The following PPP6C variants were observed in gnomAD, a reference collection of about 807,000 sequenced individuals.
PPP6C encodes the protein serine/threonine-protein phosphatase 6 catalytic subunit.
A neutral mutation model predicts 39.8 loss-of-function variants in PPP6C; 11 were observed. The ratio of observed to expected loss-of-function variants is 0.28; its 90% CI spans 0.17 to 0.46. The LOEUF is 0.46. Ranked by LOEUF, PPP6C falls within the 20% of genes least tolerant of loss-of-function variation. The pLI is 1.00. For missense variants in PPP6C, 211 were observed against 373.9 expected (o/e 0.56, Z 3.59); for synonymous variants, 129 against 130.3 (o/e 0.99, Z 0.07).
intron 1 of PPP6C, among the ~76,000 whole-genome samples, chr9:125,173,272 G>C (rs142495398): frequency 2.0e-5 from 3 of 151,806 alleles, no homozygotes; most frequent in Non-Finnish European, 2.9e-5. Context: ...TTAGCTGGGC[G>C]TGGTGGCAGG....
rs1417437176 is a variant in PPP6C, at chr9:125,148,402, G to A, written c.*1271C>T. ...ATACTGGAATACTTGTCCTTATTAAGTGGACAGTTGCATATTCAGAACTGA... is the reference window on the plus strand; with the variant it reads ...ATACTGGAATACTTGTCCTTATTAAATGGACAGTTGCATATTCAGAACTGA... On this transcript the variant is annotated 3_prime_UTR_variant, in exon 7 of 7. Transcript: ENST00000373547. 1.3e-5 allele frequency: 2 copies of A among 152,100 alleles called. No homozygotes were observed. The highest frequency in any genetic ancestry group is 3.8e-4 in the East Asian group (2 of 5,206). The allele number at this position is 152,100 out of a possible 1,614,324, so 9.4% of individuals were successfully genotyped here.
chr9:125,147,955 G>A lies in PPP6C; in HGVS notation c.*1718C>T. ...TTCCACCTGAATTACACTGGGATCA[G>A]GGCAGTAACACGAAGCTACTGACCC... On this transcript the variant is annotated 3_prime_UTR_variant, in exon 7 of 7. Coordinates refer to ENST00000373547, the MANE Select transcript of PPP6C (RefSeq NM_002721.5). 1 of 186,174 alleles carries A rather than the reference G, an allele frequency of 5.4e-6. No individual in the cohort carries two copies. Among genetic ancestry groups the A allele is most frequent in the East Asian group, 1.9e-4 (1 of 5,202 alleles). The allele number at this position is 186,174 out of a possible 1,614,324, so 11.5% of individuals were successfully genotyped here. A position where few individuals can be genotyped will look rare whatever the true frequency, so the allele number is the denominator to read the frequency against.
chr9:125,179,405 T>C (rs944042203), intron 1 of PPP6C, among the ~76,000 whole-genome samples: 1 of 152,096 alleles, frequency 6.6e-6, no homozygotes, highest in African/African-American at 2.4e-5. Flanking sequence ...TTGTTTTGAT[T>C]TGTTTAGGTT....
Position 125,151,512 on chromosome 9 carries a change from C to G in PPP6C, c.670-1591G>C, listed in dbSNP as rs1412858842. The G allele has an allele frequency of 5.0e-6, 4 of 797,456 alleles. No individual in the cohort carries two copies. The East Asian group carries it at 9.7e-5, about 19-fold the overall frequency. 49.4% of individuals were successfully genotyped at this position (797,456 alleles called of 1,614,324 possible). ...TCCAAAATACAGGTGATCAACATCT[C>G]TATGAGCCTTGCAGAAGCCATCAGG... On this transcript the variant is annotated intron_variant, in intron 6 of 6. Coordinates refer to ENST00000373547, the MANE Select transcript of PPP6C (RefSeq NM_002721.5).
At position 125,149,690 on chromosome 9, in the gene PPP6C, T is replaced by C. The variant is rs1835891588; in HGVS notation, c.901A>G (p.Thr301Ala). The C allele has an allele frequency of 6.2e-7, 1 of 1,614,046 alleles. No homozygotes were observed. The highest frequency in any genetic ancestry group is 2.2e-5 in the East Asian group (1 of 44,876). The part of the protein sequence containing the change: ...SERVIPPRTT[T>A]PYFL ...CGAAGGCCTCAAAGGAAATATGGCG[T>C]TGTCGTTCTGGGAGGAATAACACGT... The change falls in exon 7 of 7, where the codon ACG (threonine) becomes GCG (alanine). Residue 301 changes from threonine to alanine, a missense_variant. By Grantham distance (58) the Thr-to-Ala change is moderately conservative. Around this residue, in one of 2 missense-constraint regions of PPP6C, gnomAD observed 168 missense variants for 342.6 expected, o/e 0.49. Transcript: ENST00000373547.
intron 6 of PPP6C, 131 bp downstream of exon 6, chr9:125,153,402 A>C: frequency 2.4e-6 from 2 of 833,020 alleles, no homozygotes; most frequent in Non-Finnish European, 3.7e-6. Flanking sequence ...TAACTAAACT[A>C]GAAATTTAAT....
At chr9:125,160,969 TGA>T (rs1828858236) in intron 2 of PPP6C, 63 bp from the exon 3 acceptor site, 3 of 1,191,374 alleles carry the variant, frequency 2.5e-6, no homozygotes, top group South Asian at 2.9e-5. Context: ...GCAACAAAAC[TGA>T]GAGTGAAATG....
chr9:125,187,166 C>G (rs922824190), intron 1 of PPP6C, among the ~76,000 whole-genome samples: 2 of 151,632 alleles, frequency 1.3e-5, no homozygotes, highest in African/African-American at 2.4e-5. Flanking sequence ...AGGCTGGTCT[C>G]GAGCTCCTGA....
At position 125,147,570 on chromosome 9, in the gene PPP6C, A is replaced by C. The variant is rs1835840628; in HGVS notation, c.*2103T>G. Reference sequence around the variant, plus strand: ...GCCATTATTCAGTTGAAGAGAAATCAGGCAAAACAGAGATGGCAGATAAGG... The same window carrying C: ...GCCATTATTCAGTTGAAGAGAAATCCGGCAAAACAGAGATGGCAGATAAGG... On this transcript the variant is annotated 3_prime_UTR_variant, in exon 7 of 7. Transcript: ENST00000373547. 1 of 152,216 alleles carries C rather than the reference A, an allele frequency of 6.6e-6. No homozygotes were observed. Among genetic ancestry groups the C allele is most frequent in the South Asian group, 2.1e-4 (1 of 4,838 alleles). The allele number at this position is 152,216 out of a possible 1,614,324, so 9.4% of individuals were successfully genotyped here.
rs1457393408 is a variant in PPP6C at position 125,152,917 on chromosome 9, A to G, written c.669+616T>C. On this transcript the variant is annotated intron_variant, in intron 6 of 6. Transcript: ENST00000373547. ...TGTGTGATTTGAGGTCTTTGAGAAA[A>G]AAAAAAAAAAGTATTGCCTATCTTG... Among the ~76,000 whole-genome samples the G allele has an allele frequency of 2.6e-5, 4 of 152,092 alleles. No homozygotes were observed. The East Asian group carries it at 7.7e-4, about 29-fold the overall frequency.
intron 4 of PPP6C, among the ~76,000 whole-genome samples, chr9:125,157,343 G>A (rs141165856): frequency 6.6e-6 from 1 of 152,106 alleles, no homozygotes; most frequent in Non-Finnish European, 1.5e-5. Context: ...TCTCTGGAGT[G>A]AGCATACAGA....
intron 3 of PPP6C, among the ~76,000 whole-genome samples, chr9:125,159,301 G>A (rs10986591): frequency 0.013 from 1,904 of 150,554 alleles, 95 homozygotes; most frequent in Admixed American, 0.081. Flanking sequence ...CACCTGCCTC[G>A]GCCTCCCAAA....
intron 1 of PPP6C, among the ~76,000 whole-genome samples, chr9:125,174,620 CAAA>C: frequency 6.6e-6 from 1 of 151,870 alleles, no homozygotes; most frequent in South Asian, 2.1e-4. Context: ...AAAAAAATAA[CAAA>C]AACAGGCCAG....
chr9:125,175,873 T>C (rs1829286928), intron 1 of PPP6C, among the ~76,000 whole-genome samples: 5 of 152,144 alleles, frequency 3.3e-5, no homozygotes, highest in Admixed American at 2.6e-4. Flanking sequence ...CAAAACAGAC[T>C]AAAAGCTCTG....
At chr9:125,156,948 G>C (rs1307150524) in intron 4 of PPP6C, among the ~76,000 whole-genome samples, 2 of 151,808 alleles carry the variant, frequency 1.3e-5, no homozygotes, top group African/African-American at 4.8e-5. Flanking sequence ...TGAGTAGCTG[G>C]GATTACAGGC....
At chr9:125,170,269 C>T (rs1194377040) in intron 2 of PPP6C, among the ~76,000 whole-genome samples, 1 of 150,946 alleles carries the variant, frequency 6.6e-6, no homozygotes, top group African/African-American at 2.4e-5. Flanking sequence ...CAGAGTCTTG[C>T]TCTGTTGCCC....
At chr9:125,163,815 A>G (rs1193983310) in intron 2 of PPP6C, among the ~76,000 whole-genome samples, 4 of 151,582 alleles carry the variant, frequency 2.6e-5, no homozygotes, top group Admixed American at 2.6e-4. Context: ...TCAGTGATAC[A>G]TAGGTTCCCA....
At chr9:125,157,298 C>T (rs1271317773) in intron 4 of PPP6C, among the ~76,000 whole-genome samples, 1 of 151,946 alleles carries the variant, frequency 6.6e-6, no homozygotes, top group Non-Finnish European at 1.5e-5. Context: ...CTGTTTATGA[C>T]TAAGTTCTGC....
At chr9:125,175,972 G>A (rs1294061425) in intron 1 of PPP6C, among the ~76,000 whole-genome samples, 1 of 152,168 alleles carries the variant, frequency 6.6e-6, no homozygotes, top group Non-Finnish European at 1.5e-5. Flanking sequence ...TAATATCAAG[G>A]AAGTATAGAG....
Sources: gnomAD v4.1 joint callset for allele counts (sites outside exome capture counted in the v4.1 genomes callset) on GRCh38, gnomAD v4.1.1 for gene constraint, gnomAD v4.1.1 regional missense constraint, MANE v1.5 for transcripts, NCBI Gene and HGNC (gene_info 2026-07-23, HGNC 2026-07-21) for gene names.